The following KIAA1614 variants were observed in gnomAD, a reference collection of about 807,000 sequenced individuals.
KIAA1614 encodes KIAA1614.
A neutral mutation model predicts 88.7 loss-of-function variants in KIAA1614; 76 were observed. The observed-to-expected ratio is 0.86, with a 90% CI of 0.71 to 1.04. The LOEUF (loss-of-function observed/expected upper bound fraction) is 1.04, where lower values mean the gene tolerates loss of function less well. Among genes scored for constraint, KIAA1614 ranks in the 50% least tolerant of loss-of-function variants. The pLI is 0.00. For missense variants in KIAA1614, 1,553 were observed against 1,582.5 expected (o/e 0.98, Z 0.32); for synonymous variants, 714 against 675.5 (o/e 1.06, Z -0.88).
rs1382935619 is a variant in KIAA1614, at chr1:180,918,030, A to T, written c.1061+116A>T. 3.7e-6 allele frequency: 3 copies of T among 813,072 alleles called. No homozygotes were observed. In the African/African-American group the frequency reaches 5.1e-5, roughly 14 times the overall value. 50.4% of individuals were successfully genotyped at this position (813,072 alleles called of 1,614,324 possible). A position where few individuals can be genotyped will look rare whatever the true frequency, so the allele number is the denominator to read the frequency against. ...AGTGAGAGGGCAGGCAGACTCCTGC[A>T]CCAGCAGACCAGTGGACGTCATCAT... On this transcript the variant is annotated intron_variant, in intron 3 of 8. Coordinates refer to ENST00000367588, the MANE Select transcript of KIAA1614 (RefSeq NM_020950.2).
chr1:180,929,236 C>T (rs11589041), intron 4 of KIAA1614, among the ~76,000 whole-genome samples: 54,396 of 152,110 alleles, frequency 0.36, 10,664 homozygotes, highest in South Asian at 0.48. Context: ...GAACAGCGCC[C>T]GCCATGCAGT....
chr1:180,934,559 C>T (rs1409886578), intron 4 of KIAA1614, among the ~76,000 whole-genome samples: 1 of 152,146 alleles, frequency 6.6e-6, no homozygotes, highest in Admixed American at 6.5e-5. Context: ...CACTGCACTC[C>T]AGCCTGGGCA....
chr1:180,915,946 C>T (rs997918614), intron 1 of KIAA1614, among the ~76,000 whole-genome samples: 3 of 152,184 alleles, frequency 2.0e-5, no homozygotes, highest in Non-Finnish European at 4.4e-5. Context: ...ACCCCGCCCC[C>T]GATCCATGGA....
At chr1:180,925,804 A>G (rs547707346) in intron 3 of KIAA1614, among the ~76,000 whole-genome samples, 22 of 152,244 alleles carry the variant, frequency 1.4e-4, no homozygotes, top group Non-Finnish European at 3.1e-4. Context: ...GTTTTCCCCA[A>G]CAATGAGCTC....
At chr1:180,939,765 C>T (rs1162786119) in intron 6 of KIAA1614, among the ~76,000 whole-genome samples, 1 of 152,178 alleles carries the variant, frequency 6.6e-6, no homozygotes, top group South Asian at 2.1e-4. Context: ...GACTTCACAC[C>T]CCGGCTGTGG....
At chr1:180,917,958 A>G (rs967190240) in intron 3 of KIAA1614, 44 bp downstream of exon 3, 27 of 1,518,966 alleles carry the variant, frequency 1.8e-5, no homozygotes, top group Non-Finnish European at 2.2e-5. Flanking sequence ...CCTCCTCACC[A>G]TGGTCCCTCT....
At chr1:180,917,281 A>AG (rs1405207213) in intron 2 of KIAA1614, among the ~76,000 whole-genome samples, 181 bp downstream of exon 2, 1 of 152,200 alleles carries the variant, frequency 6.6e-6, no homozygotes, top group Non-Finnish European at 1.5e-5. Flanking sequence ...GATTCTTTGC[A>AG]GCCTCACAGG....
At chr1:180,929,865 GAGC>G (rs1450076636) in intron 4 of KIAA1614, among the ~76,000 whole-genome samples, 1 of 152,166 alleles carries the variant, frequency 6.6e-6, no homozygotes, top group Non-Finnish European at 1.5e-5. Context: ...GCAGTGGAGG[GAGC>G]AGGGGTTCTT....
Position 180,935,380 on chromosome 1 carries a change from A to G in KIAA1614, c.1471A>G (p.Lys491Glu). 1 of 1,468,908 alleles carries G rather than the reference A, an allele frequency of 6.8e-7. No individual in the cohort carries two copies. The highest frequency in any genetic ancestry group is 9.0e-7 in the Non-Finnish European group (1 of 1,116,522). The allele number at this position is 1,468,908 out of a possible 1,614,324, so 91.0% of individuals were successfully genotyped here. A position where few individuals can be genotyped will look rare whatever the true frequency, so the allele number is the denominator to read the frequency against. The change falls in exon 5 of 9, where the codon AAG becomes GAG. Residue 491 changes from lysine (K) to glutamate (E), a missense_variant. Transcript: ENST00000367588. This position sits in a 1 kb window ranked among gnomAD's most constrained non-coding sequence, Gnocchi z 6.1. ...QAADQGPLRS[K>E]PDLADYINGA... ...CGCGGACCAGGGCCCCCTGCGCTCC[A>G]AGCCCGACCTCGCCGACTACATCAA...
At chr1:180,917,816 T>G (rs1460811666) in intron 2 of KIAA1614, 35 bp from the exon 3 acceptor site, 1 of 1,595,218 alleles carries the variant, frequency 6.3e-7, no homozygotes, top group Non-Finnish European at 8.6e-7. Context: ...TGTTTCTGGC[T>G]CTGTCCTGAT....
Position 180,935,337 on chromosome 1 carries a change from G to T in KIAA1614, c.1428G>T (p.Leu476=), listed in dbSNP as rs757832400. ...TGCAGCAGCGCCAGCGCCAGGTGCTGAGCACCGTGTTGCAGGCCGCGGACC... is the reference window on the plus strand; with the variant it reads ...TGCAGCAGCGCCAGCGCCAGGTGCTTAGCACCGTGTTGCAGGCCGCGGACC... ...ERLQQRQRQV[L]STVLQAADQG... is the part of the protein sequence containing the mutation. The change falls in exon 5 of 9, where the codon CTG becomes CTT. Residue 476 remains leucine, a synonymous_variant. Transcript: ENST00000367588. This position sits in a 1 kb window ranked among gnomAD's most constrained non-coding sequence, Gnocchi z 6.1. 1.4e-6 allele frequency: 2 copies of T among 1,479,160 alleles called. No individual in the cohort carries two copies. The highest frequency in any genetic ancestry group is 1.8e-6 in the Non-Finnish European group (2 of 1,118,582). 91.6% of individuals were successfully genotyped at this position (1,479,160 alleles called of 1,614,324 possible).
At chr1:180,940,626 TTTTC>T (rs1177771015) in intron 6 of KIAA1614, among the ~76,000 whole-genome samples, 1 of 152,120 alleles carries the variant, frequency 6.6e-6, no homozygotes, top group Non-Finnish European at 1.5e-5. Context: ...GCAGTCTTTT[TTTTC>T]TTTCTTTTCT....
intron 3 of KIAA1614, among the ~76,000 whole-genome samples, chr1:180,922,200 G>A (rs1653971486): frequency 6.6e-6 from 1 of 152,252 alleles, no homozygotes; most frequent in Non-Finnish European, 1.5e-5. Flanking sequence ...TGCTGAGTGT[G>A]TCTGCAGGGG....
rs1481939436 is a variant in KIAA1614, at chr1:180,935,497, CCGGGCAGCGAGAGGAGGTGCCAGGCCTG to C, written c.1592_1619del (p.Gly531AlafsTer37). On this transcript the variant is annotated frameshift_variant, in exon 5 of 9. Coordinates refer to ENST00000367588, the MANE Select transcript of KIAA1614 (RefSeq NM_020950.2). LOFTEE classifies it high-confidence loss of function. The surrounding 1 kb of genome is among the most constrained non-coding windows in gnomAD (Gnocchi z 6.1). ...CAGGGGACACCCGGCACCGCCGGCACCGGGCAGCGAGAGGAGGTGCCAGGCCTGCGGCAGCTGCATCGACGACCCGCGC... is the reference window on the plus strand; with the variant it reads ...CAGGGGACACCCGGCACCGCCGGCACCGGCAGCTGCATCGACGACCCGCGC... The C allele has an allele frequency of 2.2e-5, 33 of 1,505,754 alleles. No homozygotes were observed. The highest frequency in any genetic ancestry group is 2.9e-5 in the Non-Finnish European group (33 of 1,132,558). The allele number at this position is 1,505,754 out of a possible 1,614,324, so 93.3% of individuals were successfully genotyped here.
chr1:180,922,656 T>C (rs910697885), intron 3 of KIAA1614, among the ~76,000 whole-genome samples: 5 of 152,224 alleles, frequency 3.3e-5, no homozygotes, highest in Non-Finnish European at 7.3e-5. Flanking sequence ...GAAACTGAGA[T>C]AGGAAAAAAC....
In KIAA1614 at chr1:180,943,550, C is replaced by CTTTTTTTTTTTTTTTTTTTTTTTTTTTTT. The variant is rs60128001; in HGVS notation, c.3160-823_3160-822insTTTTTTTTTTTTTTTTTTTTTTTTTTTTT. On this transcript the variant is annotated intron_variant, in intron 7 of 8. Coordinates refer to ENST00000367588, the MANE Select transcript of KIAA1614 (RefSeq NM_020950.2). ...ATTGTAGGATTGAATGGTAGTAGAT[C>CTTTTTTTTTTTTTTTTTTTTTTTTTTTTT]TTTTTTTTTTTTTTTTGAGACAGGG... is the stretch of plus-strand genomic sequence containing the variant. 6.1e-5 allele frequency among the ~76,000 whole-genome samples: 6 copies of CTTTTTTTTTTTTTTTTTTTTTTTTTTTTT among 98,186 alleles called. 2 individuals are homozygous for CTTTTTTTTTTTTTTTTTTTTTTTTTTTTT. The highest frequency in any genetic ancestry group is 2.1e-4 in the African/African-American group (5 of 23,814). The allele number at this position is 98,186 out of a possible 152,430, so 64.4% of individuals were successfully genotyped here. A position where few individuals can be genotyped will look rare whatever the true frequency, so the allele number is the denominator to read the frequency against.
chr1:180,945,807 T>A lies in KIAA1614; in HGVS notation c.*219T>A. The A allele has an allele frequency of 7.5e-7, 1 of 1,332,868 alleles. No individual in the cohort carries two copies. The highest frequency in any genetic ancestry group is 9.5e-7 in the Non-Finnish European group (1 of 1,050,156). The allele number at this position is 1,332,868 out of a possible 1,614,324, so 82.6% of individuals were successfully genotyped here. ...GTCCCCCTGCTGTCTGATGACATCT[T>A]GAAATTAGAAGCTTAGGCCGGGCGC... On this transcript the variant is annotated 3_prime_UTR_variant, in exon 9 of 9. Transcript: ENST00000367588.
chr1:180,926,970 C>A (rs1654083642), intron 3 of KIAA1614, among the ~76,000 whole-genome samples: 1 of 152,336 alleles, frequency 6.6e-6, no homozygotes, highest in East Asian at 1.9e-4. Context: ...ACAGATGGTG[C>A]CTTTCTTCTA....
rs929803767 is a variant in KIAA1614 at position 180,944,683 on chromosome 1, A to C, written c.3287+167A>C. The C allele has an allele frequency of 1.8e-5, 12 of 676,184 alleles. No homozygotes were observed. The African/African-American group carries it at 2.0e-4, about 11-fold the overall frequency. The allele number at this position is 676,184 out of a possible 1,614,324, so 41.9% of individuals were successfully genotyped here. ...ACGAGGCTGCCACGGGAGTCTCAGC[A>C]CCTCAGTGCCCTGCATGGACCCTCG... On this transcript the variant is annotated intron_variant, in intron 8 of 8. Transcript: ENST00000367588.
Sources: allele counts gnomAD v4.1 joint callset (sites outside exome capture counted in the v4.1 genomes callset), GRCh38; gene constraint gnomAD v4.1.1; non-coding constraint Gnocchi (gnomAD v3.1); transcripts MANE v1.5; gene names NCBI Gene and HGNC (gene_info 2026-07-23, HGNC 2026-07-21).